Variants in HSD17B8 observed in about 807,000 individuals in gnomAD.
HSD17B8 encodes the protein hydroxysteroid 17-beta dehydrogenase 8, also known as (3R)-3-hydroxyacyl-CoA dehydrogenase.
A neutral mutation model predicts 33.2 loss-of-function variants in HSD17B8; 23 were observed. That is an observed-to-expected ratio of 0.69 (90% confidence interval 0.50 to 0.98). The LOEUF (loss-of-function observed/expected upper bound fraction) is 0.98, where lower values mean the gene tolerates loss of function less well. Ranked by LOEUF, HSD17B8 falls within the 50% of genes least tolerant of loss-of-function variation. The pLI is 0.00. For synonymous variants in HSD17B8, 137 were observed against 138.6 expected (o/e 0.99, Z 0.08); for missense variants, 345 against 347.5 (o/e 0.99, Z 0.06).
chr6:33,206,170 C>A lies in HSD17B8; in HGVS notation c.688C>A (p.Pro230Thr). The change falls in exon 7 of 9, where the codon CCT becomes ACT. Residue 230 changes from proline (P) to threonine (T), a missense_variant. Pro to Thr is a conservative substitution (Grantham distance 38). Transcript: ENST00000374662. The surrounding 1 kb of genome is among the most constrained non-coding windows in gnomAD (Gnocchi z 6.2). ...EMIPMGHLGD[P>T]EDVADVVAFL... Reference sequence around the variant, plus strand: ...GATCCCGATGGGACACTTGGGGGACCCTGAGGGTGAGCACTGAATGTAGTG... The same window carrying A: ...GATCCCGATGGGACACTTGGGGGACACTGAGGGTGAGCACTGAATGTAGTG... 1 of 1,612,830 alleles carries A rather than the reference C, an allele frequency of 6.2e-7. No individual in the cohort carries two copies.
At position 33,206,025 on chromosome 6, in the gene HSD17B8, TTAAA is replaced by T; in HGVS notation, c.652-106_652-103del. On this transcript the variant is annotated intron_variant, in intron 6 of 8. Transcript: ENST00000374662. The surrounding 1 kb of genome is among the most constrained non-coding windows in gnomAD (Gnocchi z 6.2). ...TACTGGGCACAGTTCCTGGCAAACA[TTAAA>T]TATTCAATGAATGTATGAGAAATGA... 6.3e-6 allele frequency: 9 copies of T among 1,422,626 alleles called. No individual in the cohort carries two copies. The highest frequency in any genetic ancestry group is 8.9e-6 in the Non-Finnish European group (9 of 1,014,964). The allele number at this position is 1,422,626 out of a possible 1,614,324, so 88.1% of individuals were successfully genotyped here. A position where few individuals can be genotyped will look rare whatever the true frequency, so the allele number is the denominator to read the frequency against.
At position 33,205,262 on chromosome 6, in the gene HSD17B8, G is replaced by T. The variant is rs556499620; in HGVS notation, c.312G>T (p.Ala104=). ...SRPPSVVVSC[A]GITQDEFLLH... is the part of the protein sequence containing the mutation. ...CACCATCTGTCGTTGTGTCCTGTGC[G>T]GGCATCACCCAGGATGAGTTTCTGC... Residue 104 remains alanine, a synonymous_variant, in exon 3 of 9, where the codon GCG becomes GCT. Transcript: ENST00000374662. This position sits in a 1 kb window ranked among gnomAD's most constrained non-coding sequence, Gnocchi z 5.0. The T allele has an allele frequency of 7.4e-5, 119 of 1,612,946 alleles. No individual in the cohort carries two copies. The highest frequency in any genetic ancestry group is 7.6e-6 in the Non-Finnish European group (9 of 1,180,004).
rs1369008263 is a variant in HSD17B8 at position 33,206,167 on chromosome 6, G to T, written c.685G>T (p.Asp229Tyr). 2 of 1,612,928 alleles carry T rather than the reference G, an allele frequency of 1.2e-6. No homozygotes were observed. Among genetic ancestry groups the T allele is most frequent in the Non-Finnish European group, 1.7e-6 (2 of 1,179,904 alleles). The change falls in exon 7 of 9, where the codon GAC becomes TAC. Residue 229 changes from aspartate to tyrosine, a missense_variant. Asp to Tyr is a radical substitution (Grantham distance 160). Coordinates refer to ENST00000374662, the MANE Select transcript of HSD17B8 (RefSeq NM_014234.5). The surrounding 1 kb of genome is among the most constrained non-coding windows in gnomAD (Gnocchi z 6.2). Reference sequence around the variant, plus strand: ...AATGATCCCGATGGGACACTTGGGGGACCCTGAGGGTGAGCACTGAATGTA... The same window carrying T: ...AATGATCCCGATGGGACACTTGGGGTACCCTGAGGGTGAGCACTGAATGTA... ...TEMIPMGHLG[D>Y]PEDVADVVAF...
rs780928840 is a variant in HSD17B8, at chr6:33,205,899, A to G, written c.638A>G (p.Lys213Arg). 5.6e-6 allele frequency: 9 copies of G among 1,612,398 alleles called. No homozygotes were observed. The highest frequency in any genetic ancestry group is 7.6e-6 in the Non-Finnish European group (9 of 1,179,700). The change falls in exon 6 of 9, where the codon AAA (lysine) becomes AGA (arginine). Residue 213 changes from lysine to arginine, a missense_variant. Transcript: ENST00000374662. This position sits in a 1 kb window ranked among gnomAD's most constrained non-coding sequence, Gnocchi z 5.0. ...CCCATGACACAGAAAGTGCCACAGA[A>G]AGTGGTGGACAAGGTAGGAGGCTGT... ...ATPMTQKVPQKVVDKITEMIP... is the reference protein window; with the variant it reads ...ATPMTQKVPQRVVDKITEMIP...
chr6:33,204,981 C>G lies in HSD17B8; in HGVS notation c.132C>G (p.Asp44Glu), dbSNP rs768841679. 1.4e-5 allele frequency: 21 copies of G among 1,481,520 alleles called. No individual in the cohort carries two copies. The highest frequency in any genetic ancestry group is 1.7e-5 in the Non-Finnish European group (19 of 1,121,620). 91.8% of individuals were successfully genotyped at this position (1,481,520 alleles called of 1,614,324 possible). The change falls in exon 2 of 9, where the codon GAC (aspartate) becomes GAG (glutamate). Residue 44 changes from aspartate to glutamate, a missense_variant. Coordinates refer to ENST00000374662, the MANE Select transcript of HSD17B8 (RefSeq NM_014234.5). Reference sequence around the variant, plus strand: ...CCACCGTAGCTGCCTGCGACCTGGACCGGGCAGCGGCACAGGAGACGGTGC... The same window carrying G: ...CCACCGTAGCTGCCTGCGACCTGGAGCGGGCAGCGGCACAGGAGACGGTGC... ...EGATVAACDL[D>E]RAAAQETVRL...
Position 33,204,950 on chromosome 6 carries a change from A to AG in HSD17B8, c.106dup (p.Ala36GlyfsTer40), listed in dbSNP as rs1774925574. 3 of 1,462,806 alleles carry AG rather than the reference A, an allele frequency of 2.1e-6. No individual in the cohort carries two copies. The highest frequency in any genetic ancestry group is 2.7e-6 in the Non-Finnish European group (3 of 1,111,052). 90.6% of individuals were successfully genotyped at this position (1,462,806 alleles called of 1,614,324 possible). ...GCGGTCAGTGTACGCCTGGCCGGAG[A>AG]GGGGGCCACCGTAGCTGCCTGCGAC... On this transcript the variant is annotated frameshift_variant, in exon 2 of 9. Transcript: ENST00000374662. LOFTEE classifies it high-confidence loss of function.
rs1775046775 is a variant in HSD17B8, at chr6:33,206,156, G to A, written c.674G>A (p.Gly225Glu). Residue 225 changes from glycine to glutamate, a missense_variant, in exon 7 of 9, where the codon GGA (glycine) becomes GAA (glutamate). Transcript: ENST00000374662. This position sits in a 1 kb window ranked among gnomAD's most constrained non-coding sequence, Gnocchi z 6.2. ...VDKITEMIPMGHLGDPEDVAD... is the reference protein window; with the variant it reads ...VDKITEMIPMEHLGDPEDVAD... The stretch of plus-strand genomic sequence containing the variant: ...CAGATTACTGAAATGATCCCGATGG[G>A]ACACTTGGGGGACCCTGAGGGTGAG... 3.7e-6 allele frequency: 6 copies of A among 1,612,994 alleles called. No individual in the cohort carries two copies. The East Asian group carries it at 1.3e-4, about 36-fold the overall frequency.
rs780803866 is a variant in HSD17B8 at position 33,204,677 on chromosome 6, T to G, written c.9T>G (p.Ser3=). The G allele has an allele frequency of 6.2e-7, 1 of 1,611,630 alleles. No homozygotes were observed. Among genetic ancestry groups the G allele is most frequent in the African/African-American group, 1.3e-5 (1 of 74,916 alleles). The change falls in exon 1 of 9, where the codon TCT becomes TCG. Residue 3 remains serine (S), a synonymous_variant. Transcript: ENST00000374662. ...CCCACCCACAGCCCGCCATGGCGTC[T>G]CAGCTCCAGAACCGACTCCGCTCCG... is the stretch of plus-strand genomic sequence containing the variant. MA[S]QLQNRLRSAL...
At position 33,206,134 on chromosome 6, in the gene HSD17B8, A is replaced by G. The variant is rs1481795582; in HGVS notation, c.652A>G (p.Ile218Val). 1.2e-6 allele frequency: 2 copies of G among 1,612,738 alleles called. No homozygotes were observed. Among genetic ancestry groups the G allele is most frequent in the East Asian group, 2.2e-5 (1 of 44,882 alleles). The change falls in exon 7 of 9, where the codon ATT becomes GTT. Residue 218 changes from isoleucine to valine, a missense_variant and splice_region_variant. Ile to Val is a conservative substitution (Grantham distance 29). Transcript: ENST00000374662. The surrounding 1 kb of genome is among the most constrained non-coding windows in gnomAD (Gnocchi z 6.2). ...QKVPQKVVDK[I>V]TEMIPMGHLG... ...CACCCACATGAGTATTTCCTTACAG[A>G]TTACTGAAATGATCCCGATGGGACA...
In HSD17B8 at chr6:33,206,392, G is replaced by T; in HGVS notation, c.712G>T (p.Ala238Ser). The change falls in exon 8 of 9, where the codon GCA (alanine) becomes TCA (serine). Residue 238 changes from alanine (A) to serine (S), a missense_variant. Physicochemically the swap from Ala to Ser is moderately conservative, Grantham distance 99 (BLOSUM62 1). Coordinates refer to ENST00000374662, the MANE Select transcript of HSD17B8 (RefSeq NM_014234.5). This position sits in a 1 kb window ranked among gnomAD's most constrained non-coding sequence, Gnocchi z 6.2. ...GDPEDVADVVAFLASEDSGYI... is the reference protein window; with the variant it reads ...GDPEDVADVVSFLASEDSGYI... ...TCTCATAGATGTGGCAGATGTGGTC[G>T]CATTCTTGGCATCTGAAGATAGTGG... 1.2e-6 allele frequency: 2 copies of T among 1,613,772 alleles called. No individual in the cohort carries two copies. The highest frequency in any genetic ancestry group is 2.7e-5 in the African/African-American group (2 of 75,028).
rs1458301982 is a variant in HSD17B8, at chr6:33,204,663, C to T, written c.-6C>T. ...TGCTGGGATTCCCACCCACCCACAG[C>T]CCGCCATGGCGTCTCAGCTCCAGAA... On this transcript the variant is annotated 5_prime_UTR_variant, in exon 1 of 9. Coordinates refer to ENST00000374662, the MANE Select transcript of HSD17B8 (RefSeq NM_014234.5). The T allele has an allele frequency of 1.2e-6, 2 of 1,612,522 alleles. No individual in the cohort carries two copies. The highest frequency in any genetic ancestry group is 1.3e-5 in the African/African-American group (1 of 74,766).
At position 33,205,227 on chromosome 6, in the gene HSD17B8, T is replaced by G. The variant is rs773720520; in HGVS notation, c.277T>G (p.Phe93Val). 1.9e-6 allele frequency: 3 copies of G among 1,613,256 alleles called. No individual in the cohort carries two copies. Among genetic ancestry groups the G allele is most frequent in the Non-Finnish European group, 2.5e-6 (3 of 1,179,966 alleles). ...RCLLEQVQAC[F>V]SRPPSVVVSC... ...TAACCTCCCCCTCCCATAGGCCTGCTTTTCTCGCCCACCATCTGTCGTTGT... is the reference window on the plus strand; with the variant it reads ...TAACCTCCCCCTCCCATAGGCCTGCGTTTCTCGCCCACCATCTGTCGTTGT... The change falls in exon 3 of 9, where the codon TTT becomes GTT. Residue 93 changes from phenylalanine to valine, a missense_variant. Phe to Val is a conservative substitution (Grantham distance 50). Transcript: ENST00000374662. The surrounding 1 kb of genome is among the most constrained non-coding windows in gnomAD (Gnocchi z 5.0).
rs774994670 is a variant in HSD17B8, at chr6:33,205,603, AC to A, written c.481-36del. 1.2e-6 allele frequency: 2 copies of A among 1,611,072 alleles called. No individual in the cohort carries two copies. Among genetic ancestry groups the A allele is most frequent in the African/African-American group, 2.7e-5 (2 of 74,752 alleles). On this transcript the variant is annotated intron_variant, in intron 4 of 8. Transcript: ENST00000374662. This position sits in a 1 kb window ranked among gnomAD's most constrained non-coding sequence, Gnocchi z 5.0. Reference sequence around the variant, plus strand: ...ATAGAGAGGAGAACCCCTCCTTGAGACTCCTGACTCATTCCACATCTCTGAC... The same window carrying A: ...ATAGAGAGGAGAACCCCTCCTTGAGATCCTGACTCATTCCACATCTCTGAC...
chr6:33,206,083 TCA>T lies in HSD17B8; in HGVS notation c.652-50_652-49del. The T allele has an allele frequency of 6.3e-7, 1 of 1,586,776 alleles. No individual in the cohort carries two copies. The highest frequency in any genetic ancestry group is 8.6e-7 in the Non-Finnish European group (1 of 1,163,792). ...CAAAAAAGGGTCACAGACTCAGTCT[TCA>T]AAAAAATCCATAAAAGAAGCTTTCA... On this transcript the variant is annotated intron_variant, in intron 6 of 8. Coordinates refer to ENST00000374662, the MANE Select transcript of HSD17B8 (RefSeq NM_014234.5). This position sits in a 1 kb window ranked among gnomAD's most constrained non-coding sequence, Gnocchi z 6.2.
rs1245365171 is a variant in HSD17B8, at chr6:33,205,984, AG to A, written c.651+73del. The A allele has an allele frequency of 2.1e-6, 3 of 1,425,430 alleles. No homozygotes were observed. The highest frequency in any genetic ancestry group is 2.3e-5 in the East Asian group (1 of 43,944). The allele number at this position is 1,425,430 out of a possible 1,614,324, so 88.3% of individuals were successfully genotyped here. A position where few individuals can be genotyped will look rare whatever the true frequency, so the allele number is the denominator to read the frequency against. On this transcript the variant is annotated intron_variant, in intron 6 of 8. Coordinates refer to ENST00000374662, the MANE Select transcript of HSD17B8 (RefSeq NM_014234.5). The surrounding 1 kb of genome is among the most constrained non-coding windows in gnomAD (Gnocchi z 5.0). ...CTCTGGGCTTCACAGAGAGAGAGAG[AG>A]AGAGAGAGAGAGAATACTGGGCACA...
At position 33,206,112 on chromosome 6, in the gene HSD17B8, C is replaced by T. The variant is rs780805981; in HGVS notation, c.652-22C>T. On this transcript the variant is annotated intron_variant, in intron 6 of 8. Coordinates refer to ENST00000374662, the MANE Select transcript of HSD17B8 (RefSeq NM_014234.5). The surrounding 1 kb of genome is among the most constrained non-coding windows in gnomAD (Gnocchi z 6.2). Reference sequence around the variant, plus strand: ...AAAAATCCATAAAAGAAGCTTTCACCCACATGAGTATTTCCTTACAGATTA... The same window carrying T: ...AAAAATCCATAAAAGAAGCTTTCACTCACATGAGTATTTCCTTACAGATTA... 3.1e-6 allele frequency: 5 copies of T among 1,608,796 alleles called. No homozygotes were observed. The highest frequency in any genetic ancestry group is 4.2e-6 in the Non-Finnish European group (5 of 1,178,350).
At position 33,206,153 on chromosome 6, in the gene HSD17B8, T is replaced by C. The variant is rs1412835585; in HGVS notation, c.671T>C (p.Met224Thr). The C allele has an allele frequency of 1.2e-6, 2 of 1,612,942 alleles. No individual in the cohort carries two copies. The highest frequency in any genetic ancestry group is 2.2e-5 in the East Asian group (1 of 44,888). Residue 224 changes from methionine (M) to threonine (T), a missense_variant, in exon 7 of 9, where the codon ATG (methionine) becomes ACG (threonine). Transcript: ENST00000374662. This position sits in a 1 kb window ranked among gnomAD's most constrained non-coding sequence, Gnocchi z 6.2. ...VVDKITEMIPMGHLGDPEDVA... is the reference protein window; with the variant it reads ...VVDKITEMIPTGHLGDPEDVA... ...TTACAGATTACTGAAATGATCCCGA[T>C]GGGACACTTGGGGGACCCTGAGGGT...
chr6:33,204,923 G>C lies in HSD17B8; in HGVS notation c.74G>C (p.Arg25Pro), dbSNP rs1265767096. ...TCAGGTGCGGGGAGCGGCATCGGCCGAGCGGTCAGTGTACGCCTGGCCGGA... is the reference window on the plus strand; with the variant it reads ...TCAGGTGCGGGGAGCGGCATCGGCCCAGCGGTCAGTGTACGCCTGGCCGGA... The part of the protein sequence containing the change: ...LVTGAGSGIG[R>P]AVSVRLAGEG... Residue 25 changes from arginine to proline, a missense_variant, in exon 2 of 9, where the codon CGA (arginine) becomes CCA (proline). Physicochemically the swap from Arg to Pro is moderately radical, Grantham distance 103 (BLOSUM62 -2). Coordinates refer to ENST00000374662, the MANE Select transcript of HSD17B8 (RefSeq NM_014234.5). 1 of 1,464,954 alleles carries C rather than the reference G, an allele frequency of 6.8e-7. No homozygotes were observed. Among genetic ancestry groups the C allele is most frequent in the Non-Finnish European group, 9.0e-7 (1 of 1,109,378 alleles). 90.7% of individuals were successfully genotyped at this position (1,464,954 alleles called of 1,614,324 possible).
chr6:33,204,844 C>T, intron 1 of HSD17B8, 58 bp from the exon 2 acceptor site: 1 of 1,513,628 alleles, frequency 6.6e-7, no homozygotes, highest in Non-Finnish European at 8.9e-7. Flanking sequence ...GCCCTGTGAC[C>T]TCTGATCCCT....
Sources: gnomAD v4.1 joint callset for allele counts on GRCh38, gnomAD v4.1.1 for gene constraint, Gnocchi (gnomAD v3.1) non-coding constraint, MANE v1.5 for transcripts, NCBI Gene and HGNC (gene_info 2026-07-23, HGNC 2026-07-21) for gene names.